HDAC9: variants seen among roughly 807,000 people sequenced by gnomAD.
HDAC9 encodes the protein MEF-2 interacting transcription repressor (MITR) protein.
In HDAC9, 41 loss-of-function variants were observed where a neutral mutation model predicts 139.4. The ratio of observed to expected loss-of-function variants is 0.29; its 90% CI spans 0.23 to 0.38. The LOEUF is 0.38. HDAC9 is among the 10% of genes least tolerant of loss of function. HDAC9 has a pLI of 1.00. For synonymous variants in HDAC9, 517 were observed against 476.2 expected (o/e 1.09, Z -1.12); for missense variants, 1,147 against 1,297.0 (o/e 0.88, Z 1.78).
Position 18,522,548 on chromosome 7 carries a change from A to G in HDAC9, c.22+26224A>G, listed in dbSNP as rs542830530. ...AGAGTATCTTAGCTTCTACATCATAAAGCTCAATTGTTAATACTGAAAAAA... is the reference window on the plus strand; with the variant it reads ...AGAGTATCTTAGCTTCTACATCATAGAGCTCAATTGTTAATACTGAAAAAA... On this transcript the variant is annotated intron_variant, in intron 2 of 25. Coordinates refer to ENST00000686413, the MANE Select transcript of HDAC9 (RefSeq NM_178425.4). 7.9e-5 allele frequency among the ~76,000 whole-genome samples: 12 copies of G among 151,996 alleles called. No homozygotes were observed. The East Asian group carries it at 2.3e-3, about 29-fold the overall frequency.
At chr7:18,218,818 A>C (rs963409098) in intron 2 of HDAC9, among the ~76,000 whole-genome samples, 3 of 152,160 alleles carry the variant, frequency 2.0e-5, no homozygotes, top group African/African-American at 7.2e-5. Context: ...ACATTATTTT[A>C]TAATTGGGTT....
At chr7:18,991,510 A>G (rs79161516) in intron 25 of HDAC9, among the ~76,000 whole-genome samples, 4,480 of 152,138 alleles carry the variant, frequency 0.029, 104 homozygotes, top group African/African-American at 0.07. Context: ...GGTGGCAGGC[A>G]CCTGTAGTCC....
intron 8 of HDAC9, among the ~76,000 whole-genome samples, chr7:18,637,266 C>T: frequency 6.6e-6 from 1 of 152,010 alleles, no homozygotes; most frequent in East Asian, 1.9e-4. Flanking sequence ...AAAGAAGATA[C>T]ATATATTCCT....
chr7:18,535,427 C>T (rs1298205128), intron 2 of HDAC9, among the ~76,000 whole-genome samples: 2 of 151,698 alleles, frequency 1.3e-5, no homozygotes, highest in South Asian at 2.1e-4. Context: ...TAGACTACTG[C>T]GGAAGCCCAT....
chr7:18,260,326 T>TTG (rs1554347283), intron 2 of HDAC9, among the ~76,000 whole-genome samples: 1 of 146,436 alleles, frequency 6.8e-6, no homozygotes, highest in Non-Finnish European at 1.5e-5. Context: ...TTTTTTTGTT[T>TTG]TTTTTTTTTT....
At chr7:18,404,909 G>A (rs1277112661) in intron 1 of HDAC9, among the ~76,000 whole-genome samples, 2 of 152,178 alleles carry the variant, frequency 1.3e-5, no homozygotes, top group Non-Finnish European at 1.5e-5. Context: ...TGGGTGTCCA[G>A]AGCTCACCCC....
At chr7:18,538,984 C>G (rs867273596) in intron 2 of HDAC9, among the ~76,000 whole-genome samples, 3 of 152,092 alleles carry the variant, frequency 2.0e-5, no homozygotes, top group African/African-American at 7.2e-5. Context: ...CAGCTCAGGT[C>G]TCTCTTTATC....
At chr7:18,713,697 A>G (rs1178119) in intron 12 of HDAC9, among the ~76,000 whole-genome samples, 25,968 of 152,092 alleles carry the variant, frequency 0.17, 2,687 homozygotes, top group East Asian at 0.28. Flanking sequence ...CAACATGTGC[A>G]TAATTCTGCA....
chr7:18,218,780 C>T (rs1372402750), intron 2 of HDAC9, among the ~76,000 whole-genome samples: 1 of 152,130 alleles, frequency 6.6e-6, no homozygotes, highest in Non-Finnish European at 1.5e-5. Context: ...ATTTTTAGGG[C>T]ATGCCAATTT....
intron 1 of HDAC9, among the ~76,000 whole-genome samples, chr7:18,360,438 C>T (rs1783686267): frequency 6.6e-6 from 1 of 152,050 alleles, no homozygotes; most frequent in South Asian, 2.1e-4. Context: ...GACTTGTTAT[C>T]CTCATTTTAA....
At chr7:18,782,455 T>A (rs1791325552) in intron 16 of HDAC9, among the ~76,000 whole-genome samples, 1 of 152,114 alleles carries the variant, frequency 6.6e-6, no homozygotes, top group Non-Finnish European at 1.5e-5. Context: ...ATTTCTATCA[T>A]GTGCGGCTTT....
chr7:18,183,149 A>C (rs1254871612), intron 2 of HDAC9, among the ~76,000 whole-genome samples: 1 of 152,038 alleles, frequency 6.6e-6, no homozygotes, highest in African/African-American at 2.4e-5. Flanking sequence ...AGCTGGGACT[A>C]CAGGTGCCTG....
rs112394278 is a variant in HDAC9, at chr7:18,317,755, A to G, written c.-42+27240A>G. ...GGGGATGGGACTTTCTACTTTGGGG[A>G]AAATCTGTAAATCTATGGTGTAAGG... is the stretch of plus-strand genomic sequence containing the variant. On this transcript the variant is annotated intron_variant, in intron 1 of 3. Transcript: ENST00000413509. 1.9e-3 allele frequency among the ~76,000 whole-genome samples: 283 copies of G among 152,308 alleles called. 2 individuals carry two copies. The highest frequency in any genetic ancestry group is 6.5e-3 in the African/African-American group (270 of 41,570).
At chr7:18,895,556 G>C (rs1429060209) in intron 22 of HDAC9, among the ~76,000 whole-genome samples, 2 of 152,102 alleles carry the variant, frequency 1.3e-5, no homozygotes, top group African/African-American at 4.8e-5. Context: ...CTATTCTAAA[G>C]ATCAGCTCAT....
intron 17 of HDAC9, among the ~76,000 whole-genome samples, chr7:18,811,203 G>C (rs187185522): frequency 4.0e-5 from 6 of 151,454 alleles, no homozygotes; most frequent in Admixed American, 2.6e-4. Context: ...CCAGCCTTTA[G>C]TTTTGTTAAT....
At chr7:18,638,670 C>T (rs1046060960) in intron 8 of HDAC9, among the ~76,000 whole-genome samples, 2 of 152,022 alleles carry the variant, frequency 1.3e-5, no homozygotes, top group African/African-American at 4.8e-5. Flanking sequence ...TTATTATCAG[C>T]GCTGACTCCT....
chr7:18,512,616 A>C (rs1382072899), intron 2 of HDAC9, among the ~76,000 whole-genome samples: 1 of 152,244 alleles, frequency 6.6e-6, no homozygotes, highest in Non-Finnish European at 1.5e-5. Context: ...AATAGTATTA[A>C]GTCAGATACA....
intron 25 of HDAC9, among the ~76,000 whole-genome samples, chr7:18,995,314 T>C (rs1359153970): frequency 6.6e-6 from 1 of 152,204 alleles, no homozygotes; most frequent in Non-Finnish European, 1.5e-5. Context: ...CTACAATTTA[T>C]TCTTTTGAGT....
At chr7:18,352,834 T>C (rs1310009499) in intron 1 of HDAC9, among the ~76,000 whole-genome samples, 2 of 152,176 alleles carry the variant, frequency 1.3e-5, no homozygotes, top group African/African-American at 4.8e-5. Context: ...TCCTTGTTTT[T>C]GTCTCTGTCT....
Sources: allele counts gnomAD v4.1 joint callset (sites outside exome capture counted in the v4.1 genomes callset), GRCh38; gene constraint gnomAD v4.1.1; transcripts MANE v1.5; gene names NCBI Gene and HGNC (gene_info 2026-07-23, HGNC 2026-07-21).